CSMD1: variants seen among roughly 807,000 people sequenced by gnomAD.
CSMD1 encodes CUB and Sushi multiple domains 1.
A neutral mutation model predicts 417.5 loss-of-function variants in CSMD1; 213 were observed. The observed-to-expected ratio is 0.51, with a 90% CI of 0.46 to 0.57. CSMD1 has a LOEUF of 0.57. CSMD1 is among the 20% of genes least tolerant of loss of function. The pLI is 0.00. For synonymous variants in CSMD1, 2,862 were observed against 1,736.8 expected, an observed-to-expected ratio of 1.65 and a Z score of -16.11; for missense variants, 6,923 against 4,529.7, an observed-to-expected ratio of 1.53 and a Z score of -15.17.
At chr8:3,872,295 G>A (rs915588845) in intron 5 of CSMD1, among the ~76,000 whole-genome samples, 11 of 152,178 alleles carry the variant, frequency 7.2e-5, no homozygotes, top group Non-Finnish European at 1.6e-4. Flanking sequence ...GGGTCACCCT[G>A]TAAGTGCCAT....
At chr8:4,602,789 T>G (rs1386044858) in intron 2 of CSMD1, among the ~76,000 whole-genome samples, 2 of 152,122 alleles carry the variant, frequency 1.3e-5, no homozygotes, top group African/African-American at 4.8e-5. Context: ...AATGATGCCT[T>G]ACAATGACTG....
At chr8:3,145,549 T>C (rs1400590030) in intron 40 of CSMD1, among the ~76,000 whole-genome samples, 5 of 152,266 alleles carry the variant, frequency 3.3e-5, no homozygotes, top group Middle Eastern at 3.4e-3. Context: ...AATTATAATA[T>C]TGTGAGCAAA....
chr8:2,974,076 A>G (rs143443768), intron 56 of CSMD1, among the ~76,000 whole-genome samples: 385 of 115,138 alleles, frequency 3.3e-3, no homozygotes, highest in South Asian at 0.015. Flanking sequence ...GTAGAGGATG[A>G]TGGTAGAGGA....
intron 3 of CSMD1, among the ~76,000 whole-genome samples, chr8:4,178,561 G>C (rs1466826001): frequency 6.6e-6 from 1 of 151,100 alleles, no homozygotes; most frequent in Non-Finnish European, 1.5e-5. Flanking sequence ...ATTCAACATA[G>C]TGTTGGAAGT....
At chr8:4,138,410 G>C (rs1164652914) in intron 3 of CSMD1, among the ~76,000 whole-genome samples, 1 of 151,934 alleles carries the variant, frequency 6.6e-6, no homozygotes, top group Non-Finnish European at 1.5e-5. Flanking sequence ...GTCCAGTTCT[G>C]AGCTCTCAGC....
chr8:3,832,717 T>G (rs1802448235), intron 5 of CSMD1, among the ~76,000 whole-genome samples: 1 of 152,142 alleles, frequency 6.6e-6, no homozygotes, highest in Non-Finnish European at 1.5e-5. Context: ...GAAACAAAAA[T>G]AGGACTTACA....
intron 2 of CSMD1, among the ~76,000 whole-genome samples, chr8:4,446,279 G>A (rs1372554539): frequency 6.6e-6 from 1 of 152,200 alleles, no homozygotes; most frequent in Admixed American, 6.5e-5. Context: ...TGGGAGTGGT[G>A]GCTCATGCCC....
At chr8:4,071,342 G>A (rs1025277847) in intron 3 of CSMD1, among the ~76,000 whole-genome samples, 2 of 151,910 alleles carry the variant, frequency 1.3e-5, no homozygotes, top group East Asian at 1.9e-4. Flanking sequence ...ACATCATCAA[G>A]CTCCCTAACT....
intron 3 of CSMD1, among the ~76,000 whole-genome samples, chr8:4,311,667 G>A (rs1044972296): frequency 6.7e-5 from 10 of 150,194 alleles, no homozygotes; most frequent in South Asian, 4.2e-4. Context: ...AGGCTGCAGT[G>A]AGCCGAGATT....
chr8:4,240,565 T>G (rs996215826), intron 3 of CSMD1, among the ~76,000 whole-genome samples: 1 of 152,226 alleles, frequency 6.6e-6, no homozygotes, highest in Non-Finnish European at 1.5e-5. Flanking sequence ...GCCTCCTGCC[T>G]TTTTATTTTA....
chr8:3,815,484 T>G (rs2129079497), intron 5 of CSMD1, among the ~76,000 whole-genome samples: 1 of 152,224 alleles, frequency 6.6e-6, no homozygotes, highest in African/African-American at 2.4e-5. Flanking sequence ...ATATAAAAGT[T>G]AAACTCAAAA....
At chr8:3,604,639 G>T (rs1038242511) in intron 8 of CSMD1, among the ~76,000 whole-genome samples, 1 of 152,058 alleles carries the variant, frequency 6.6e-6, no homozygotes, top group Non-Finnish European at 1.5e-5. Flanking sequence ...GGAATCAAAG[G>T]AGCCAAAAAG....
At chr8:3,588,269 T>A (rs529478992) in intron 8 of CSMD1, among the ~76,000 whole-genome samples, 2 of 151,986 alleles carry the variant, frequency 1.3e-5, no homozygotes, top group Non-Finnish European at 2.9e-5. Flanking sequence ...CACAATCTCA[T>A]ATAGATAACA....
chr8:4,158,130 C>T (rs968333999), intron 3 of CSMD1, among the ~76,000 whole-genome samples: 3 of 151,292 alleles, frequency 2.0e-5, no homozygotes, highest in South Asian at 2.1e-4. Context: ...TCCCTGCAGT[C>T]CCTGAGGTCA....
chr8:4,193,427 C>T (rs913627171), intron 3 of CSMD1, among the ~76,000 whole-genome samples: 1 of 152,160 alleles, frequency 6.6e-6, no homozygotes, highest in African/African-American at 2.4e-5. Flanking sequence ...CTTCTCTGTT[C>T]ACATCCAGGT....
intron 3 of CSMD1, among the ~76,000 whole-genome samples, chr8:4,222,232 G>C (rs1388864265): frequency 6.6e-6 from 1 of 152,104 alleles, no homozygotes; most frequent in African/African-American, 2.4e-5. Context: ...GTAACACGCA[G>C]AAAGTTATGA....
At chr8:4,869,813 T>A (rs2116908833) in intron 1 of CSMD1, among the ~76,000 whole-genome samples, 1 of 152,198 alleles carries the variant, frequency 6.6e-6, no homozygotes, top group South Asian at 2.1e-4. Context: ...CTGATGTTAA[T>A]TATGGCTGGT....
chr8:4,635,618 T>C (rs769968967), intron 2 of CSMD1, among the ~76,000 whole-genome samples: 11 of 152,150 alleles, frequency 7.2e-5, no homozygotes, highest in Non-Finnish European at 1.3e-4. Flanking sequence ...ACATTGGCAT[T>C]TGAATAAAAT....
intron 18 of CSMD1, among the ~76,000 whole-genome samples, chr8:3,380,312 A>G (rs1181244126): frequency 6.6e-6 from 1 of 152,204 alleles, no homozygotes; most frequent in East Asian, 1.9e-4. Flanking sequence ...TAGTTCAACC[A>G]TTGTGGAAGA....
Sources: allele counts gnomAD v4.1 joint callset (sites outside exome capture counted in the v4.1 genomes callset), GRCh38; gene constraint gnomAD v4.1.1; transcripts MANE v1.5; gene names NCBI Gene and HGNC (gene_info 2026-07-23, HGNC 2026-07-21).